GAD1: variants seen among roughly 807,000 people sequenced by gnomAD.
GAD1 encodes glutamate decarboxylase 1, also known as 67 kDa glutamic acid decarboxylase.
A neutral mutation model predicts 75.2 loss-of-function variants in GAD1; 35 were observed. The ratio of observed to expected loss-of-function variants is 0.47; its 90% confidence interval spans 0.36 to 0.62. The LOEUF (loss-of-function observed/expected upper bound fraction) is 0.62, where lower values mean the gene tolerates loss of function less well. Among genes scored for constraint, GAD1 ranks in the 20% least tolerant of loss-of-function variants. The pLI is 0.00. For missense variants in GAD1, 490 were observed against 758.5 expected (o/e 0.65, Z 4.16); for synonymous variants, 257 against 271.9 (o/e 0.95, Z 0.54).
intron 3 of GAD1, among the ~76,000 whole-genome samples, chr2:170,823,562 C>A (rs1701948285): frequency 6.6e-6 from 1 of 152,118 alleles, no homozygotes; most frequent in Non-Finnish European, 1.5e-5. Context: ...GCAGGACGCC[C>A]GTGGGGCAAG....
chr2:170,818,266 T>C lies in GAD1; in HGVS notation c.-63-263T>C. 1 of 222,866 alleles carries C rather than the reference T, an allele frequency of 4.5e-6. No homozygotes were observed. The allele number at this position is 222,866 out of a possible 1,614,324, so 13.8% of individuals were successfully genotyped here. A position where few individuals can be genotyped will look rare whatever the true frequency, so the allele number is the denominator to read the frequency against. On this transcript the variant is annotated intron_variant, in intron 1 of 16. Coordinates refer to ENST00000358196, the MANE Select transcript of GAD1 (RefSeq NM_000817.3). This position sits in a 1 kb window ranked among gnomAD's most constrained non-coding sequence, Gnocchi z 5.9. ...ACCCCGCCTCGTCTCGGCGCTTCAC[T>C]CCAGGTCGCGCCGATGCACCGCCAG... is the stretch of plus-strand genomic sequence containing the variant.
chr2:170,829,768 G>A lies in GAD1; in HGVS notation c.304+135G>A, dbSNP rs1376899773. 4 of 989,400 alleles carry A rather than the reference G, an allele frequency of 4.0e-6. No individual in the cohort carries two copies. In the East Asian group the frequency reaches 1.1e-4, roughly 26 times the overall value. The allele number at this position is 989,400 out of a possible 1,614,324, so 61.3% of individuals were successfully genotyped here. A position where few individuals can be genotyped will look rare whatever the true frequency, so the allele number is the denominator to read the frequency against. Reference sequence around the variant, plus strand: ...TCTGAACCCACATGAAACTGCTTTTGTGACTTTGGGGGAATATAATTGACT... The same window carrying A: ...TCTGAACCCACATGAAACTGCTTTTATGACTTTGGGGGAATATAATTGACT... On this transcript the variant is annotated intron_variant, in intron 4 of 16. Transcript: ENST00000358196.
chr2:170,845,654 T>G (rs1374731733), intron 8 of GAD1, 33 bp downstream of exon 8: 2 of 1,608,030 alleles, frequency 1.2e-6, no homozygotes, highest in Non-Finnish European at 1.7e-6. Flanking sequence ...TGGATAGTGG[T>G]GTTTTTTAGG....
At chr2:170,845,226 T>C (rs1020308244) in intron 7 of GAD1, 2 of 499,570 alleles carry the variant, frequency 4.0e-6, no homozygotes, top group Non-Finnish European at 7.3e-6. Context: ...CTACCTCTTA[T>C]ATTTCTGTCT....
In GAD1 at chr2:170,845,576, G is replaced by T. The variant is rs757342630; in HGVS notation, c.822G>T (p.Lys274Asn). 1.2e-6 allele frequency: 2 copies of T among 1,614,154 alleles called. No individual in the cohort carries two copies. Among genetic ancestry groups the T allele is most frequent in the Non-Finnish European group, 1.7e-6 (2 of 1,180,024 alleles). The change falls in exon 8 of 17, where the codon AAG becomes AAT. Residue 274 changes from lysine to asparagine, a missense_variant. By Grantham distance (94) the Lys-to-Asn change is moderately conservative. Coordinates refer to ENST00000358196, the MANE Select transcript of GAD1 (RefSeq NM_000817.3). ...RYKYFPEVKT[K>N]GMAAVPKLVL... is the part of the protein sequence containing the mutation. ...AGTACTTCCCGGAAGTTAAGACAAA[G>T]GGCATGGCGGCTGTGCCTAAACTGG...
At chr2:170,831,415 T>TA (rs1702220146) in intron 5 of GAD1, among the ~76,000 whole-genome samples, 2 of 151,828 alleles carry the variant, frequency 1.3e-5, no homozygotes, top group South Asian at 2.1e-4. Context: ...TAAAAGTAGA[T>TA]AAAAAAGATA....
At chr2:170,859,626 T>C (rs1307482721) in intron 16 of GAD1, 83 bp from the exon 17 acceptor site, 2 of 1,380,198 alleles carry the variant, frequency 1.4e-6, no homozygotes, top group Non-Finnish European at 2.0e-6. Flanking sequence ...ACACAAATAG[T>C]AAAATGCAAG....
intron 5 of GAD1, among the ~76,000 whole-genome samples, chr2:170,836,111 CTT>C (rs767548786): frequency 0.023 from 3,187 of 141,212 alleles, 126 homozygotes; most frequent in Admixed American, 0.11. Context: ...GGTTGTTTTT[CTT>C]TTTTTTTTTT....
chr2:170,839,640 A>T (rs1017308025), intron 6 of GAD1, among the ~76,000 whole-genome samples: 12 of 151,860 alleles, frequency 7.9e-5, no homozygotes, highest in African/African-American at 2.9e-4. Flanking sequence ...ATCTATGTCC[A>T]TGCCTTTACA....
chr2:170,822,168 T>TG lies in GAD1; in HGVS notation c.145+23dup. The stretch of plus-strand genomic sequence containing the variant: ...ATCTGCGGTAAGTGACAGGACCCAC[T>TG]GGGGCCCGGCTGGGTGGCGCGGCGG... On this transcript the variant is annotated intron_variant, in intron 3 of 16. Transcript: ENST00000358196. The TG allele has an allele frequency of 6.2e-7, 1 of 1,610,196 alleles. No individual in the cohort carries two copies. The highest frequency in any genetic ancestry group is 8.5e-7 in the Non-Finnish European group (1 of 1,178,122).
intron 2 of GAD1, among the ~76,000 whole-genome samples, chr2:170,820,191 G>A (rs546758479): frequency 4.0e-4 from 61 of 152,194 alleles, no homozygotes; most frequent in Middle Eastern, 3.4e-3. Context: ...GGGGGTTAGC[G>A]GGCAGTTGTG....
At chr2:170,833,378 G>T (rs1702290918) in intron 5 of GAD1, among the ~76,000 whole-genome samples, 1 of 152,190 alleles carries the variant, frequency 6.6e-6, no homozygotes, top group African/African-American at 2.4e-5. Context: ...CAAAATTTAT[G>T]TTGTTTGATT....
intron 5 of GAD1, among the ~76,000 whole-genome samples, chr2:170,832,869 C>T (rs911423372): frequency 3.3e-5 from 5 of 152,214 alleles, no homozygotes; most frequent in African/African-American, 1.2e-4. Flanking sequence ...CAATTGCCTC[C>T]AGTTCAAGGA....
chr2:170,822,231 G>C, intron 3 of GAD1, 82 bp downstream of exon 3: 5 of 1,169,080 alleles, frequency 4.3e-6, no homozygotes, highest in Non-Finnish European at 6.3e-6. Flanking sequence ...GACGCAAGCG[G>C]AGGGGGATCC....
At chr2:170,820,834 A>G (rs892447025) in intron 2 of GAD1, among the ~76,000 whole-genome samples, 5 of 152,192 alleles carry the variant, frequency 3.3e-5, no homozygotes, top group Non-Finnish European at 7.3e-5. Flanking sequence ...TCTTTGTCAA[A>G]TGACTCTTAG....
intron 15 of GAD1, among the ~76,000 whole-genome samples, chr2:170,858,010 C>A (rs17752543): frequency 0.018 from 2,771 of 151,982 alleles, 51 homozygotes; most frequent in South Asian, 0.026. Context: ...TATCAGGCAA[C>A]CTAAACTACT....
intron 5 of GAD1, among the ~76,000 whole-genome samples, chr2:170,832,504 G>A (rs758010956): frequency 9.9e-5 from 15 of 152,070 alleles, no homozygotes; most frequent in Non-Finnish European, 1.8e-4. Flanking sequence ...GCAAAGACCC[G>A]ATTTCCAAAT....
At chr2:170,851,014 A>T (rs915468011) in intron 12 of GAD1, among the ~76,000 whole-genome samples, 3 of 148,488 alleles carry the variant, frequency 2.0e-5, no homozygotes, top group Middle Eastern at 6.9e-3. Context: ...ACTCTGTCTT[A>T]AAAAAAAAAG....
In GAD1 at chr2:170,842,124, T is replaced by G. The variant is rs140486561; in HGVS notation, c.639-1921T>G. Reference sequence around the variant, plus strand: ...CTGAGAGTAATGGCCATGTTCCTGGTCCTTGGGGAGGCTAATTCATGCAAA... The same window carrying G: ...CTGAGAGTAATGGCCATGTTCCTGGGCCTTGGGGAGGCTAATTCATGCAAA... On this transcript the variant is annotated intron_variant, in intron 6 of 16. Coordinates refer to ENST00000358196, the MANE Select transcript of GAD1 (RefSeq NM_000817.3). Among the ~76,000 whole-genome samples the G allele has an allele frequency of 4.7e-3, 722 of 152,280 alleles. 9 individuals are homozygous for G. Among genetic ancestry groups the G allele is most frequent in the African/African-American group, 0.016 (676 of 41,544 alleles).
Sources: allele counts gnomAD v4.1 joint callset (sites outside exome capture counted in the v4.1 genomes callset), GRCh38; gene constraint gnomAD v4.1.1; non-coding constraint Gnocchi (gnomAD v3.1); transcripts MANE v1.5; gene names NCBI Gene and HGNC (gene_info 2026-07-23, HGNC 2026-07-21).